The following OSBPL3 variants were observed in gnomAD, a reference collection of about 807,000 sequenced individuals.
OSBPL3 encodes oxysterol binding protein like 3.
A neutral mutation model predicts 120.1 loss-of-function variants in OSBPL3; 65 were observed. That is an observed-to-expected ratio of 0.54 (90% CI 0.44 to 0.67). The LOEUF (loss-of-function observed/expected upper bound fraction) is 0.67, where lower values mean the gene tolerates loss of function less well. Among genes scored for constraint, OSBPL3 ranks in the 30% least tolerant of loss-of-function variants. The pLI, the probability that OSBPL3 is intolerant of heterozygous loss-of-function variation, is 0.00. For synonymous variants in OSBPL3, 416 were observed against 402.6 expected (o/e 1.03, Z -0.40); for missense variants, 1,004 against 1,082.1 (o/e 0.93, Z 1.01).
upstream of OSBPL3, among the ~76,000 whole-genome samples, chr7:24,980,517 A>C (rs1818216255): frequency 6.6e-6 from 1 of 151,516 alleles, no homozygotes; most frequent in Non-Finnish European, 1.5e-5. Context: ...ATGTTCCTCT[A>C]GTGGCTTTTC....
intron 9 of OSBPL3, 98 bp from the exon 10 acceptor site, chr7:24,861,867 A>C: frequency 2.5e-6 from 2 of 810,858 alleles, no homozygotes; most frequent in Non-Finnish European, 3.7e-6. Context: ...CAAATACAAA[A>C]CATTTTATAG....
Position 24,825,959 on chromosome 7 carries a change from AG to A in OSBPL3, c.1884+4808del, listed in dbSNP as rs1394873609. Among the ~76,000 whole-genome samples the A allele has an allele frequency of 1.6e-4, 24 of 152,364 alleles. No individual in the cohort carries two copies. The South Asian group carries it at 2.9e-3, about 18-fold the overall frequency. ...AATGAACAATGATCTGGACAACTAA[AG>A]TTTCATGTAATTAGGAAAAGCTACT... On this transcript the variant is annotated intron_variant, in intron 16 of 22. Coordinates refer to ENST00000313367, the MANE Select transcript of OSBPL3 (RefSeq NM_015550.4).
In OSBPL3 at chr7:24,937,453, T is replaced by G. The variant is rs1812559541; in HGVS notation, c.-150+42433A>C. Among the ~76,000 whole-genome samples the G allele has an allele frequency of 6.6e-6, 1 of 152,218 alleles. No homozygotes were observed. Among genetic ancestry groups the G allele is most frequent in the African/African-American group, 2.4e-5 (1 of 41,454 alleles). ...TTATGTTCAACATTATTCTTGAGGT[T>G]TACCCATAAGGATACATATAGTTTT... On this transcript the variant is annotated intron_variant, in intron 1 of 22. Transcript: ENST00000313367. The surrounding 1 kb of genome is among the most constrained non-coding windows in gnomAD (Gnocchi z 4.0).
intron 1 of OSBPL3, chr7:24,906,545 G>C (rs1291872161): frequency 6.3e-6 from 1 of 158,592 alleles, no homozygotes; most frequent in Non-Finnish European, 1.4e-5. Flanking sequence ...CACAGATGAA[G>C]AGTCATGAGT....
chr7:24,916,925 C>CCG lies in OSBPL3; in HGVS notation c.-149-24305_-149-24304insCG, dbSNP rs60137713. On this transcript the variant is annotated intron_variant, in intron 1 of 22. Coordinates refer to ENST00000313367, the MANE Select transcript of OSBPL3 (RefSeq NM_015550.4). This position sits in a 1 kb window ranked among gnomAD's most constrained non-coding sequence, Gnocchi z 4.9. ...AAGACGTCTTCCATTTCCACCCCCC[C>CCG]CAACCTTTTTAGAAAATTAAATAAA... 6.6e-6 allele frequency among the ~76,000 whole-genome samples: 1 copy of CCG among 151,738 alleles called. No homozygotes were observed. Among genetic ancestry groups the CCG allele is most frequent in the South Asian group, 2.1e-4 (1 of 4,778 alleles).
In OSBPL3 at chr7:24,865,443, T is replaced by A; in HGVS notation, c.572A>T (p.Asn191Ile). The A allele has an allele frequency of 6.2e-7, 1 of 1,613,900 alleles. No homozygotes were observed. Among genetic ancestry groups the A allele is most frequent in the Non-Finnish European group, 8.5e-7 (1 of 1,179,828 alleles). ...TACATTGCTTCCAGTTTGAAATAAA[T>A]TCTGCTTTGATATACTGCTACGCTG... ...SRKRSSISKQ[N>I]LFQTGSNVSF... The change falls in exon 7 of 23, where the codon AAT (asparagine) becomes ATT (isoleucine). Residue 191 changes from asparagine (N) to isoleucine (I), a missense_variant. This residue lies in a region of OSBPL3 where 255 missense variants were observed against 248.7 expected (regional missense o/e 1.03). Coordinates refer to ENST00000313367, the MANE Select transcript of OSBPL3 (RefSeq NM_015550.4).
intron 1 of OSBPL3, among the ~76,000 whole-genome samples, chr7:24,928,403 G>T (rs1229134665): frequency 6.6e-6 from 1 of 152,014 alleles, no homozygotes; most frequent in Non-Finnish European, 1.5e-5. Context: ...GTGTTAGCCA[G>T]GATGGTCTCG....
chr7:24,927,489 T>C (rs963052568), intron 1 of OSBPL3, among the ~76,000 whole-genome samples: 1 of 152,248 alleles, frequency 6.6e-6, no homozygotes, highest in Non-Finnish European at 1.5e-5. Context: ...ATAGTTATGC[T>C]AGTAAAATTT....
intron 5 of OSBPL3, among the ~76,000 whole-genome samples, chr7:24,870,342 G>C (rs1479282345): frequency 6.6e-6 from 1 of 152,202 alleles, no homozygotes; most frequent in African/African-American, 2.4e-5. Flanking sequence ...ATTAGCCAAA[G>C]TGATAAAACA....
chr7:24,825,590 G>A (rs1365468608), intron 16 of OSBPL3, among the ~76,000 whole-genome samples: 5 of 152,170 alleles, frequency 3.3e-5, no homozygotes, highest in African/African-American at 7.2e-5. Flanking sequence ...TTATTTGAAC[G>A]GCTTGAATTT....
At chr7:24,841,959 G>A (rs7796480) in intron 13 of OSBPL3, among the ~76,000 whole-genome samples, 7,946 of 151,636 alleles carry the variant, frequency 0.052, 370 homozygotes, top group African/African-American at 0.12. Context: ...GTTGCAGTGA[G>A]CTGAGATTGC....
chr7:24,897,085 G>A (rs1055403578), intron 1 of OSBPL3, among the ~76,000 whole-genome samples: 4 of 151,574 alleles, frequency 2.6e-5, no homozygotes, highest in African/African-American at 9.7e-5. Context: ...GGGAAGAGAG[G>A]GAGGGAGGGA....
chr7:24,825,934 A>C (rs1161084731), intron 16 of OSBPL3, among the ~76,000 whole-genome samples: 1 of 152,254 alleles, frequency 6.6e-6, no homozygotes, highest in Non-Finnish European at 1.5e-5. Flanking sequence ...AAATGGTTAA[A>C]ATGAACAATG....
rs931282503 is a variant in OSBPL3, at chr7:24,894,784, T to G, written c.-149-2163A>C. ...GGCAATAAATGAAAGTTACAGGAATTCTAAAACCACCAAAACAGAAACACC... is the reference window on the plus strand; with the variant it reads ...GGCAATAAATGAAAGTTACAGGAATGCTAAAACCACCAAAACAGAAACACC... On this transcript the variant is annotated intron_variant, in intron 1 of 22. Coordinates refer to ENST00000313367, the MANE Select transcript of OSBPL3 (RefSeq NM_015550.4). This position sits in a 1 kb window ranked among gnomAD's most constrained non-coding sequence, Gnocchi z 4.1. Among the ~76,000 whole-genome samples the G allele has an allele frequency of 7.2e-5, 11 of 152,086 alleles. No individual in the cohort carries two copies. Among genetic ancestry groups the G allele is most frequent in the African/African-American group, 2.2e-4 (9 of 41,388 alleles).
rs1817187671 is a variant in OSBPL3 at position 24,972,914 on chromosome 7, T to C, written c.-150+6972A>G. On this transcript the variant is annotated intron_variant, in intron 1 of 22. Coordinates refer to ENST00000313367, the MANE Select transcript of OSBPL3 (RefSeq NM_015550.4). The surrounding 1 kb of genome is among the most constrained non-coding windows in gnomAD (Gnocchi z 4.3). ...ATTTGATATCAAGACAGGAAACCAG[T>C]GTGGGAATCTTTACAAGTACTACAT... Among the ~76,000 whole-genome samples the C allele has an allele frequency of 6.6e-6, 1 of 152,230 alleles. No individual in the cohort carries two copies. The highest frequency in any genetic ancestry group is 2.4e-5 in the African/African-American group (1 of 41,440).
rs943515359 is a variant in OSBPL3 at position 24,938,493 on chromosome 7, A to G, written c.-150+41393T>C. 6.6e-6 allele frequency among the ~76,000 whole-genome samples: 1 copy of G among 152,170 alleles called. No homozygotes were observed. The highest frequency in any genetic ancestry group is 6.5e-5 in the Admixed American group (1 of 15,274). On this transcript the variant is annotated intron_variant, in intron 1 of 22. Transcript: ENST00000313367. The surrounding 1 kb of genome is among the most constrained non-coding windows in gnomAD (Gnocchi z 5.8). ...GCTGATATGGCAGCTTCATGGTTATAATGACCAAAGATCCTTCTATCCCAG... is the reference window on the plus strand; with the variant it reads ...GCTGATATGGCAGCTTCATGGTTATGATGACCAAAGATCCTTCTATCCCAG...
chr7:24,844,311 T>A (rs927127527), intron 12 of OSBPL3, among the ~76,000 whole-genome samples: 2 of 152,200 alleles, frequency 1.3e-5, no homozygotes, highest in African/African-American at 2.4e-5. Context: ...TGGCCCAGGA[T>A]GGCTTTGAAT....
At chr7:24,979,539 A>G (rs750382381) in intron 1 of OSBPL3, among the ~76,000 whole-genome samples, 1 of 152,144 alleles carries the variant, frequency 6.6e-6, no homozygotes, top group Admixed American at 6.5e-5. Context: ...GCCCCGGCGT[A>G]GCGCCTCCCC....
Position 24,816,703 on chromosome 7 carries a change from C to G in OSBPL3, c.1949-15G>C. 6.5e-7 allele frequency: 1 copy of G among 1,528,134 alleles called. No homozygotes were observed. The highest frequency in any genetic ancestry group is 9.1e-7 in the Non-Finnish European group (1 of 1,101,574). The allele number at this position is 1,528,134 out of a possible 1,614,324, so 94.7% of individuals were successfully genotyped here. ...CCATCTCACATCTGAAATGAAATAC[C>G]AAATATTACATTTTTAGCAGGAGAG... On this transcript the variant is annotated splice_polypyrimidine_tract_variant and intron_variant, in intron 17 of 22. Coordinates refer to ENST00000313367, the MANE Select transcript of OSBPL3 (RefSeq NM_015550.4).
Sources: gnomAD v4.1 joint callset for allele counts (sites outside exome capture counted in the v4.1 genomes callset) on GRCh38, gnomAD v4.1.1 for gene constraint, gnomAD v4.1.1 regional missense constraint, Gnocchi (gnomAD v3.1) non-coding constraint, MANE v1.5 for transcripts, NCBI Gene and HGNC (gene_info 2026-07-23, HGNC 2026-07-21) for gene names.